The following ELAVL3 variants were observed in gnomAD, a reference collection of about 807,000 sequenced individuals.
ELAVL3 encodes the protein ELAV like RNA binding protein 3.
A neutral mutation model predicts 34.2 loss-of-function variants in ELAVL3; 8 were observed. The observed-to-expected ratio is 0.23, with a 90% CI of 0.14 to 0.42. ELAVL3 has a LOEUF of 0.42. ELAVL3 is among the 10% of genes least tolerant of loss of function. The pLI is 1.00. For missense variants in ELAVL3, 273 were observed against 518.8 expected, an observed-to-expected ratio of 0.53 and a Z score of 4.60; for synonymous variants, 209 against 222.1, an observed-to-expected ratio of 0.94 and a Z score of 0.53.
chr19:11,456,459 C>A (rs535226137), intron 6 of ELAVL3, among the ~76,000 whole-genome samples: 53 of 151,914 alleles, frequency 3.5e-4, no homozygotes, highest in African/African-American at 1.1e-3. Flanking sequence ...CTGTCTCCTC[C>A]CCCACTAGAC....
At position 11,480,860 on chromosome 19, in the gene ELAVL3, G is replaced by A. The variant is rs1042040737; in HGVS notation, c.-252C>T. 5.4e-6 allele frequency: 2 copies of A among 372,864 alleles called. No individual in the cohort carries two copies. Among genetic ancestry groups the A allele is most frequent in the Non-Finnish European group, 9.5e-6 (2 of 209,792 alleles). 23.1% of individuals were successfully genotyped at this position (372,864 alleles called of 1,614,324 possible). A position where few individuals can be genotyped will look rare whatever the true frequency, so the allele number is the denominator to read the frequency against. ...GGGATGGAAAGAGGGAGCGGGCGCG[G>A]GGTTGAGGACGCCCCCTGCGCGGCC... On this transcript the variant is annotated 5_prime_UTR_variant, in exon 1 of 7. Coordinates refer to ENST00000359227, the MANE Select transcript of ELAVL3 (RefSeq NM_001420.4). The surrounding 1 kb of genome is among the most constrained non-coding windows in gnomAD (Gnocchi z 6.8).
rs201270169 is a variant in ELAVL3, at chr19:11,466,660, G to A, written c.177C>T (p.Phe59=). ...AGGACTCGATGTCGCCAATGCTGCC[G>A]AAGAGACTCTTGAACTCATCCTGGG... ...NMTQDEFKSL[F]GSIGDIESCK... Residue 59 remains phenylalanine, a synonymous_variant, in exon 2 of 7, where the codon TTC becomes TTT. Coordinates refer to ENST00000359227, the MANE Select transcript of ELAVL3 (RefSeq NM_001420.4). The surrounding 1 kb of genome is among the most constrained non-coding windows in gnomAD (Gnocchi z 5.0). 210 of 1,614,184 alleles carry A rather than the reference G, an allele frequency of 1.3e-4. 1 individual carries two copies. Among genetic ancestry groups the A allele is most frequent in the South Asian group, 1.2e-3 (110 of 91,080 alleles).
intron 6 of ELAVL3, among the ~76,000 whole-genome samples, chr19:11,455,530 G>A (rs779236981): frequency 3.3e-5 from 5 of 151,590 alleles, no homozygotes; most frequent in South Asian, 2.1e-4. Context: ...CAGGTGATCC[G>A]CCCGCTTCGA....
At chr19:11,457,236 C>T (rs914775554) in intron 5 of ELAVL3, 88 bp from the exon 6 acceptor site, 9 of 1,381,108 alleles carry the variant, frequency 6.5e-6, no homozygotes, top group Non-Finnish European at 8.7e-6. Flanking sequence ...CACCCCCACC[C>T]AACAGGCCTG....
chr19:11,475,020 G>A lies in ELAVL3; in HGVS notation c.9+5580C>T, dbSNP rs557618660. ...ATTTTTTGTATTTTTAGTAGAGATG[G>A]GGTTTCACCGTTAGCCAGGATGGTC... On this transcript the variant is annotated intron_variant, in intron 1 of 6. Transcript: ENST00000359227. 7.9e-5 allele frequency among the ~76,000 whole-genome samples: 12 copies of A among 152,162 alleles called. No homozygotes were observed. The South Asian group carries it at 1.5e-3, about 18-fold the overall frequency.
At position 11,466,590 on chromosome 19, in the gene ELAVL3, C is replaced by A. The variant is rs1438057529; in HGVS notation, c.229+18G>T. On this transcript the variant is annotated intron_variant, in intron 2 of 6. Transcript: ENST00000359227. This position sits in a 1 kb window ranked among gnomAD's most constrained non-coding sequence, Gnocchi z 5.0. The stretch of plus-strand genomic sequence containing the variant: ...AGGCTACCACCTCTGTTCCTCCCCG[C>A]AACTCCAGCAGCCACACCTGTGATC... The A allele has an allele frequency of 6.2e-7, 1 of 1,613,374 alleles. No homozygotes were observed. The highest frequency in any genetic ancestry group is 1.1e-5 in the South Asian group (1 of 91,038).
Position 11,458,066 on chromosome 19 carries a change from A to C in ELAVL3, c.708T>G (p.Arg236=), listed in dbSNP as rs1259709599. 1 of 1,612,034 alleles carries C rather than the reference A, an allele frequency of 6.2e-7. No individual in the cohort carries two copies. The change falls in exon 5 of 7, where the codon CGT becomes CGG. Residue 236 remains arginine, a synonymous_variant. Transcript: ENST00000359227. The surrounding 1 kb of genome is among the most constrained non-coding windows in gnomAD (Gnocchi z 7.3). The part of the protein sequence containing the change: ...YAGPLHHQTQ[R]FRLDNLLNMA... ...CTGGCTGGCAGGGGGCTCACCGGAA[A>C]CGCTGGGTCTGATGGTGTAGGGGGC... is the stretch of plus-strand genomic sequence containing the variant.
intron 1 of ELAVL3, among the ~76,000 whole-genome samples, chr19:11,471,460 A>C (rs1193382570): frequency 6.6e-6 from 1 of 150,926 alleles, no homozygotes; most frequent in African/African-American, 2.4e-5. Flanking sequence ...TAAAAATACA[A>C]AAATTAGTGG....
intron 1 of ELAVL3, among the ~76,000 whole-genome samples, chr19:11,467,783 C>T (rs1406383360): frequency 6.6e-6 from 1 of 151,538 alleles, no homozygotes; most frequent in Non-Finnish European, 1.5e-5. Context: ...CGCGTCTGGC[C>T]CCATTTTTAG....
chr19:11,455,818 C>T (rs534659779), intron 6 of ELAVL3, among the ~76,000 whole-genome samples: 3 of 152,302 alleles, frequency 2.0e-5, no homozygotes, highest in Non-Finnish European at 4.4e-5. Context: ...ACCTAGTAAG[C>T]ACTTGGGAGG....
Position 11,458,159 on chromosome 19 carries a change from G to A in ELAVL3, c.615C>T (p.Asn205=), listed in dbSNP as rs752290190. ...GCGCCTGCCCCGTCTTCTGACTTGG[G>A]TTGTTCGCGAACTTGACTGTGATGG... ...AEPITVKFAN[N]PSQKTGQALL... is the part of the protein sequence containing the mutation. The change falls in exon 5 of 7, where the codon AAC becomes AAT. Residue 205 remains asparagine (N), a synonymous_variant. Coordinates refer to ENST00000359227, the MANE Select transcript of ELAVL3 (RefSeq NM_001420.4). This position sits in a 1 kb window ranked among gnomAD's most constrained non-coding sequence, Gnocchi z 7.3. 9.9e-6 allele frequency: 16 copies of A among 1,614,042 alleles called. No homozygotes were observed. Among genetic ancestry groups the A allele is most frequent in the Non-Finnish European group, 1.4e-5 (16 of 1,180,046 alleles).
At chr19:11,475,122 G>A (rs550563124) in intron 1 of ELAVL3, among the ~76,000 whole-genome samples, 1 of 152,152 alleles carries the variant, frequency 6.6e-6, no homozygotes, top group Non-Finnish European at 1.5e-5. Flanking sequence ...ACCGCACCCG[G>A]CCTAATACTG....
rs1255212772 is a variant in ELAVL3 at position 11,481,017 on chromosome 19, C to G, written c.-409G>C. The G allele has an allele frequency of 1.1e-5, 2 of 178,518 alleles. No homozygotes were observed. Among genetic ancestry groups the G allele is most frequent in the Non-Finnish European group, 2.3e-5 (2 of 85,500 alleles). 11.1% of individuals were successfully genotyped at this position (178,518 alleles called of 1,614,324 possible). On this transcript the variant is annotated 5_prime_UTR_variant, in exon 1 of 7. Coordinates refer to ENST00000359227, the MANE Select transcript of ELAVL3 (RefSeq NM_001420.4). The surrounding 1 kb of genome is among the most constrained non-coding windows in gnomAD (Gnocchi z 6.3). ...CCCCTCGCCCACCCTCCCTCCCTCC[C>G]TCCGGCCCGCGCTGCGCGCTCCGCG...
Position 11,454,379 on chromosome 19 carries a change from G to T in ELAVL3, c.*147C>A. The T allele has an allele frequency of 1.3e-6, 1 of 788,794 alleles. No individual in the cohort carries two copies. The highest frequency in any genetic ancestry group is 1.7e-5 in the African/African-American group (1 of 57,428). 48.9% of individuals were successfully genotyped at this position (788,794 alleles called of 1,614,324 possible). ...CCTCCCACCCCAGAGTGCTCACCCTGTGGCTTCCGCAGGGACGTGGGGCCC... is the reference window on the plus strand; with the variant it reads ...CCTCCCACCCCAGAGTGCTCACCCTTTGGCTTCCGCAGGGACGTGGGGCCC... On this transcript the variant is annotated 3_prime_UTR_variant, in exon 7 of 7. Transcript: ENST00000359227. The surrounding 1 kb of genome is among the most constrained non-coding windows in gnomAD (Gnocchi z 9.2).
At position 11,466,201 on chromosome 19, in the gene ELAVL3, C is replaced by T. The variant is rs1971049405; in HGVS notation, c.304G>A (p.Gly102Ser). ...DADKAINTLNGLKLQTKTIKV... is the reference protein window; with the variant it reads ...DADKAINTLNSLKLQTKTIKV... ...ATGGTCTTCGTCTGTAATTTGAGGC[C>T]GTTGAGGGTGTTGATGGCTTTGTCT... is the stretch of plus-strand genomic sequence containing the variant. The change falls in exon 3 of 7, where the codon GGC (glycine) becomes AGC (serine). Residue 102 changes from glycine to serine, a missense_variant. Gly to Ser is a moderately conservative substitution (Grantham distance 56, BLOSUM62 0). Around this residue, in one of 4 missense-constraint regions of ELAVL3, gnomAD observed 102 missense variants for 250.1 expected, o/e 0.41. Transcript: ENST00000359227. This position sits in a 1 kb window ranked among gnomAD's most constrained non-coding sequence, Gnocchi z 5.0. 6.2e-7 allele frequency: 1 copy of T among 1,613,788 alleles called. No individual in the cohort carries two copies. Among genetic ancestry groups the T allele is most frequent in the Non-Finnish European group, 8.5e-7 (1 of 1,179,880 alleles).
intron 1 of ELAVL3, among the ~76,000 whole-genome samples, chr19:11,467,347 G>A (rs377506060): frequency 1.5e-4 from 23 of 151,822 alleles, no homozygotes; most frequent in Admixed American, 5.3e-4. Flanking sequence ...GCTTGAACCC[G>A]GGAGGCGGAG....
At chr19:11,455,030 G>A (rs577273459) in intron 6 of ELAVL3, among the ~76,000 whole-genome samples, 153 bp from the exon 7 acceptor site, 104 of 151,952 alleles carry the variant, frequency 6.8e-4, no homozygotes, top group Middle Eastern at 6.8e-3. Context: ...ACACGGTCTC[G>A]CTCTGTCACC....
intron 6 of ELAVL3, among the ~76,000 whole-genome samples, chr19:11,455,110 C>T (rs918660401): frequency 1.3e-5 from 2 of 150,906 alleles, no homozygotes; most frequent in South Asian, 2.1e-4. Flanking sequence ...GCAAACCTCC[C>T]GCCTCAGCCT....
intron 1 of ELAVL3, among the ~76,000 whole-genome samples, chr19:11,467,556 T>C (rs1415256717): frequency 6.6e-6 from 1 of 151,426 alleles, no homozygotes; most frequent in East Asian, 2.0e-4. Context: ...CGATCTCGGC[T>C]TGCTGCAACC....
Sources: allele counts gnomAD v4.1 joint callset (sites outside exome capture counted in the v4.1 genomes callset), GRCh38; gene constraint gnomAD v4.1.1; regional missense constraint gnomAD v4.1.1; non-coding constraint Gnocchi (gnomAD v3.1); transcripts MANE v1.5; gene names NCBI Gene and HGNC (gene_info 2026-07-23, HGNC 2026-07-21).